ZMIZ1: variants seen among roughly 807,000 people sequenced by gnomAD.
ZMIZ1 encodes zinc finger MIZ-type containing 1.
In ZMIZ1, 17 loss-of-function variants were observed where a neutral mutation model predicts 113.9. The observed-to-expected ratio is 0.15, with a 90% CI of 0.10 to 0.22. The LOEUF (loss-of-function observed/expected upper bound fraction) is 0.22, where lower values mean the gene tolerates loss of function less well. Ranked by LOEUF, ZMIZ1 falls within the 10% of genes least tolerant of loss-of-function variation. ZMIZ1 has a pLI of 1.00. For synonymous variants in ZMIZ1, 607 were observed against 603.1 expected (o/e 1.01, Z -0.09); for missense variants, 1,059 against 1,477.8 (o/e 0.72, Z 4.65).
chr10:79,262,141 T>C (rs1479741553), intron 7 of ZMIZ1, among the ~76,000 whole-genome samples: 2 of 152,230 alleles, frequency 1.3e-5, no homozygotes, highest in Non-Finnish European at 2.9e-5. Flanking sequence ...CTCATCTTGT[T>C]CATGGAGTAA....
chr10:79,273,396 G>A (rs916037246), intron 7 of ZMIZ1, among the ~76,000 whole-genome samples: 3 of 151,872 alleles, frequency 2.0e-5, no homozygotes, highest in Non-Finnish European at 4.4e-5. Flanking sequence ...GAGTCTTGCT[G>A]TGTTGCCCAG....
At chr10:79,297,794 A>C in intron 14 of ZMIZ1, 104 bp downstream of exon 14, 1 of 1,013,314 alleles carries the variant, frequency 9.9e-7, no homozygotes, top group South Asian at 1.4e-5. Flanking sequence ...AAAGGGGCCC[A>C]TGGGTGGGGG....
chr10:79,300,244 T>C (rs1018877933), intron 16 of ZMIZ1, among the ~76,000 whole-genome samples: 6 of 152,124 alleles, frequency 3.9e-5, no homozygotes, highest in African/African-American at 1.2e-4. Context: ...GTCACACATA[T>C]ATGGTCACTG....
At chr10:79,122,020 A>G (rs553235488) in intron 2 of ZMIZ1, among the ~76,000 whole-genome samples, 1 of 151,212 alleles carries the variant, frequency 6.6e-6, no homozygotes, top group South Asian at 2.1e-4. Flanking sequence ...CATGAATTAC[A>G]AAGGATTTCA....
chr10:79,139,672 G>C lies in ZMIZ1; in HGVS notation c.-226-10G>C. Reference sequence around the variant, plus strand: ...CTCACACACGTCTCATCTCTCCCCTGTGTACCCAGGAGGAAGAGGAGGAGG... The same window carrying C: ...CTCACACACGTCTCATCTCTCCCCTCTGTACCCAGGAGGAAGAGGAGGAGG... On this transcript the variant is annotated splice_polypyrimidine_tract_variant and intron_variant, in intron 2 of 24. Transcript: ENST00000334512. 2.5e-6 allele frequency: 1 copy of C among 398,776 alleles called. No individual in the cohort carries two copies. Among genetic ancestry groups the C allele is most frequent in the Non-Finnish European group, 4.4e-6 (1 of 226,086 alleles). 24.7% of individuals were successfully genotyped at this position (398,776 alleles called of 1,614,324 possible). A position where few individuals can be genotyped will look rare whatever the true frequency, so the allele number is the denominator to read the frequency against.
intron 7 of ZMIZ1, among the ~76,000 whole-genome samples, chr10:79,234,244 G>C (rs945788113): frequency 6.6e-6 from 1 of 152,172 alleles, no homozygotes; most frequent in Admixed American, 6.5e-5. Flanking sequence ...CCAGTCTGCT[G>C]GGGTGGAAGT....
At chr10:79,309,895 T>C (rs1203628527) in intron 23 of ZMIZ1, among the ~76,000 whole-genome samples, 1 of 152,194 alleles carries the variant, frequency 6.6e-6, no homozygotes, top group Non-Finnish European at 1.5e-5. Context: ...AAAGTGGGGC[T>C]GGGGGCTGTC....
Position 79,193,319 on chromosome 10 carries a change from C to A in ZMIZ1, c.-49-8265C>A, listed in dbSNP as rs149019538. Among the ~76,000 whole-genome samples the A allele has an allele frequency of 1.1e-3, 160 of 152,368 alleles. 1 individual carries two copies. Among genetic ancestry groups the A allele is most frequent in the African/African-American group, 3.7e-3 (155 of 41,582 alleles). On this transcript the variant is annotated intron_variant, in intron 4 of 24. Coordinates refer to ENST00000334512, the MANE Select transcript of ZMIZ1 (RefSeq NM_020338.4). ...CATGAACTCATCAGTCCAAAAACTT[C>A]ACTATGAGAATGTAAAAGGTTTGTC...
intron 1 of ZMIZ1, among the ~76,000 whole-genome samples, chr10:79,084,783 G>A (rs1268054844): frequency 1.3e-5 from 2 of 151,920 alleles, no homozygotes; most frequent in Admixed American, 6.5e-5. Flanking sequence ...TAGGGTCAGC[G>A]GCTGGGCTGG....
chr10:79,122,932 G>T (rs926745845), intron 2 of ZMIZ1, among the ~76,000 whole-genome samples: 2 of 152,158 alleles, frequency 1.3e-5, no homozygotes, highest in African/African-American at 4.8e-5. Flanking sequence ...CCCAGGAGAG[G>T]TATGTGGGTT....
At position 79,156,921 on chromosome 10, in the gene ZMIZ1, C is replaced by T. The variant is rs541525982; in HGVS notation, c.-130-5132C>T. 2.0e-5 allele frequency among the ~76,000 whole-genome samples: 3 copies of T among 152,320 alleles called. No homozygotes were observed. The East Asian group carries it at 5.8e-4, about 29-fold the overall frequency. On this transcript the variant is annotated intron_variant, in intron 3 of 24. Coordinates refer to ENST00000334512, the MANE Select transcript of ZMIZ1 (RefSeq NM_020338.4). ...GAATGAGGACTACCAGGTCCCTGTC[C>T]TTATGGGCCTCGAGGCTGAAGAGAT... is the stretch of plus-strand genomic sequence containing the variant.
chr10:79,097,934 C>T (rs1170210803), intron 1 of ZMIZ1, among the ~76,000 whole-genome samples: 3 of 152,142 alleles, frequency 2.0e-5, no homozygotes, highest in African/African-American at 4.8e-5. Flanking sequence ...CTCAGGCAGA[C>T]GTAGACGGGC....
At chr10:79,095,321 C>T (rs529139187) in intron 1 of ZMIZ1, among the ~76,000 whole-genome samples, 9 of 152,184 alleles carry the variant, frequency 5.9e-5, no homozygotes, top group South Asian at 2.1e-4. Context: ...GAGGGCAGAA[C>T]GCTATCAAGT....
At chr10:79,105,142 C>G (rs1843510933) in intron 1 of ZMIZ1, among the ~76,000 whole-genome samples, 1 of 152,194 alleles carries the variant, frequency 6.6e-6, no homozygotes, top group Non-Finnish European at 1.5e-5. Context: ...TGTCTCCTCC[C>G]TGAGAAACTG....
At chr10:79,070,993 G>A (rs1589238050) in intron 1 of ZMIZ1, among the ~76,000 whole-genome samples, 1 of 152,228 alleles carries the variant, frequency 6.6e-6, no homozygotes, top group Non-Finnish European at 1.5e-5. Context: ...AGAAGCTGGC[G>A]GCTGGGCTGG....
At chr10:79,136,222 T>C (rs537974389) in intron 2 of ZMIZ1, among the ~76,000 whole-genome samples, 74 of 152,286 alleles carry the variant, frequency 4.9e-4, no homozygotes, top group Non-Finnish European at 8.7e-4. Context: ...AATGAGAGAA[T>C]TGGACAACAG....
chr10:79,282,647 T>C (rs1852813000), intron 8 of ZMIZ1, among the ~76,000 whole-genome samples: 1 of 152,234 alleles, frequency 6.6e-6, no homozygotes, highest in South Asian at 2.1e-4. Flanking sequence ...CCTTGACCTC[T>C]TGGCCTCGTG....
At chr10:79,170,653 C>A (rs1401172613) in intron 4 of ZMIZ1, among the ~76,000 whole-genome samples, 2 of 152,214 alleles carry the variant, frequency 1.3e-5, no homozygotes, top group Admixed American at 6.5e-5. Context: ...TGCAGCTCCT[C>A]TGAGGCATCT....
intron 3 of ZMIZ1, among the ~76,000 whole-genome samples, chr10:79,158,319 C>T (rs1226499379): frequency 6.6e-6 from 1 of 152,198 alleles, no homozygotes; most frequent in Non-Finnish European, 1.5e-5. Flanking sequence ...GCACCCAGGG[C>T]CATCTGCCCC....
Sources: allele counts gnomAD v4.1 joint callset (sites outside exome capture counted in the v4.1 genomes callset), GRCh38; gene constraint gnomAD v4.1.1; transcripts MANE v1.5; gene names NCBI Gene and HGNC (gene_info 2026-07-23, HGNC 2026-07-21).